The following DOK6 variants were observed in gnomAD, a reference collection of about 807,000 sequenced individuals.
DOK6 encodes the protein docking protein 6.
In DOK6, 22 loss-of-function variants were observed where a neutral mutation model predicts 44.0. The observed-to-expected ratio is 0.50, with a 90% confidence interval of 0.36 to 0.71. The LOEUF is 0.71. Ranked by LOEUF, DOK6 falls within the 30% of genes least tolerant of loss-of-function variation. The pLI, the probability that DOK6 is intolerant of heterozygous loss-of-function variation, is 0.00. For missense variants in DOK6, 340 were observed against 416.4 expected, an observed-to-expected ratio of 0.82 and a Z score of 1.60; for synonymous variants, 166 against 145.5, an observed-to-expected ratio of 1.14 and a Z score of -1.01.
intron 1 of DOK6, among the ~76,000 whole-genome samples, chr18:69,402,641 A>T (rs1312717348): frequency 4.6e-5 from 7 of 152,184 alleles, no homozygotes; most frequent in Admixed American, 1.3e-4. Context: ...CCCAAGGACA[A>T]CAGGGGCCCA....
At chr18:69,605,640 A>G (rs559599944) in intron 3 of DOK6, among the ~76,000 whole-genome samples, 5 of 152,186 alleles carry the variant, frequency 3.3e-5, no homozygotes, top group Non-Finnish European at 7.4e-5. Context: ...CTAAAGAATA[A>G]AAATTATATT....
At chr18:69,757,480 AGT>A (rs1979393506) in intron 6 of DOK6, among the ~76,000 whole-genome samples, 1 of 152,200 alleles carries the variant, frequency 6.6e-6, no homozygotes, top group South Asian at 2.1e-4. Context: ...TCATGCCCTG[AGT>A]GTTTGCCAGC....
intron 5 of DOK6, among the ~76,000 whole-genome samples, chr18:69,716,906 C>T (rs1986896687): frequency 6.6e-6 from 1 of 152,098 alleles, no homozygotes; most frequent in East Asian, 1.9e-4. Context: ...CATTTCTATC[C>T]CTATAGTCTT....
rs182171596 is a variant in DOK6, at chr18:69,794,056, C to T, written c.856+36183C>T. On this transcript the variant is annotated intron_variant, in intron 7 of 7. Transcript: ENST00000382713. ...TCAGATGAATACTCAGAGTGATAAACGACAGACTGCTCTCCCAACACCCTG... is the reference window on the plus strand; with the variant it reads ...TCAGATGAATACTCAGAGTGATAAATGACAGACTGCTCTCCCAACACCCTG... 1.0e-3 allele frequency among the ~76,000 whole-genome samples: 156 copies of T among 152,222 alleles called. 1 individual carries two copies. Among genetic ancestry groups the T allele is most frequent in the Admixed American group, 3.2e-3 (49 of 15,272 alleles).
At chr18:69,430,715 C>T (rs1461967104) in intron 1 of DOK6, among the ~76,000 whole-genome samples, 1 of 152,006 alleles carries the variant, frequency 6.6e-6, no homozygotes, top group African/African-American at 2.4e-5. Context: ...GCCTATAATC[C>T]CAGCACTTTG....
intron 4 of DOK6, among the ~76,000 whole-genome samples, 161 bp downstream of exon 4, chr18:69,678,014 C>T (rs8084618): frequency 0.14 from 20,914 of 152,054 alleles, 1,509 homozygotes; most frequent in Middle Eastern, 0.18. Context: ...TTTGGGAGCC[C>T]GAGGGTGACC....
chr18:69,524,473 G>A (rs1267128275), intron 1 of DOK6, among the ~76,000 whole-genome samples: 3 of 151,904 alleles, frequency 2.0e-5, no homozygotes, highest in African/African-American at 4.8e-5. Flanking sequence ...ACAGTAGTAC[G>A]TACAGTGGCT....
intron 1 of DOK6, among the ~76,000 whole-genome samples, chr18:69,463,090 G>A (rs2034442420): frequency 6.6e-6 from 1 of 152,144 alleles, no homozygotes; most frequent in Non-Finnish European, 1.5e-5. Flanking sequence ...TCATGGTGCT[G>A]GAGGCTGGGA....
intron 6 of DOK6, among the ~76,000 whole-genome samples, chr18:69,742,478 G>A (rs12960252): frequency 0.098 from 14,838 of 151,314 alleles, 737 homozygotes; most frequent in Middle Eastern, 0.15. Flanking sequence ...CATTGCATTT[G>A]CCACTCAAAA....
chr18:69,719,190 G>A (rs960815323), intron 5 of DOK6, among the ~76,000 whole-genome samples: 5 of 152,204 alleles, frequency 3.3e-5, no homozygotes, highest in African/African-American at 4.8e-5. Context: ...GAGTTCCGAA[G>A]CTAGGGTTTT....
intron 1 of DOK6, among the ~76,000 whole-genome samples, chr18:69,415,344 C>A (rs1978325130): frequency 6.7e-6 from 1 of 148,834 alleles, no homozygotes; most frequent in Non-Finnish European, 1.5e-5. Flanking sequence ...TGACTCAAAT[C>A]ATTTTTTTGT....
intron 5 of DOK6, among the ~76,000 whole-genome samples, chr18:69,699,798 A>G (rs944420249): frequency 6.6e-6 from 1 of 152,028 alleles, no homozygotes; most frequent in African/African-American, 2.4e-5. Context: ...AAAATCTATG[A>G]TGCACCTTAT....
chr18:69,418,900 A>G (rs1192570947), intron 1 of DOK6, among the ~76,000 whole-genome samples: 2 of 152,072 alleles, frequency 1.3e-5, no homozygotes, highest in African/African-American at 2.4e-5. Flanking sequence ...TTTTTTGCCT[A>G]AGTACATGTA....
chr18:69,423,446 C>T (rs540627932), intron 1 of DOK6, among the ~76,000 whole-genome samples: 4 of 152,268 alleles, frequency 2.6e-5, no homozygotes, highest in Admixed American at 1.3e-4. Context: ...ACACTTCAAC[C>T]GTTGTATTGT....
At chr18:69,662,368 G>A (rs7228897) in intron 3 of DOK6, 138,813 of 152,288 alleles carry the variant, frequency 0.91, 64,207 homozygotes, top group Non-Finnish European at 1. Context: ...CTCAGGATGT[G>A]TACTTATCAC....
intron 5 of DOK6, among the ~76,000 whole-genome samples, chr18:69,717,692 A>G (rs548309434): frequency 6.6e-6 from 1 of 152,296 alleles, no homozygotes; most frequent in East Asian, 1.9e-4. Flanking sequence ...TGAAAATTTC[A>G]GCATGCTCTG....
At chr18:69,655,761 CAAAAAA>C (rs74175379) in intron 3 of DOK6, among the ~76,000 whole-genome samples, 39 of 43,174 alleles carry the variant, frequency 9.0e-4, no homozygotes, top group African/African-American at 3.8e-3. Flanking sequence ...CCCCACCCCT[CAAAAAA>C]AAAAAAAAAA....
At chr18:69,701,172 A>G (rs903634346) in intron 5 of DOK6, among the ~76,000 whole-genome samples, 1 of 152,212 alleles carries the variant, frequency 6.6e-6, no homozygotes, top group Non-Finnish European at 1.5e-5. Flanking sequence ...TCACCCTTGT[A>G]ATTATAATTA....
chr18:69,498,611 T>C (rs1247669183), intron 1 of DOK6, among the ~76,000 whole-genome samples: 2 of 152,226 alleles, frequency 1.3e-5, no homozygotes, highest in Non-Finnish European at 2.9e-5. Context: ...GATAACTTAG[T>C]GTATAAGTTA....
Sources: gnomAD v4.1 joint callset for allele counts (sites outside exome capture counted in the v4.1 genomes callset) on GRCh38, gnomAD v4.1.1 for gene constraint, MANE v1.5 for transcripts, NCBI Gene and HGNC (gene_info 2026-07-23, HGNC 2026-07-21) for gene names.